The following HGS variants were observed in gnomAD, a reference collection of about 807,000 sequenced individuals.
HGS encodes the protein human growth factor-regulated tyrosine kinase substrate.
In HGS, 63 loss-of-function variants were observed where a neutral mutation model predicts 109.7. The observed-to-expected ratio is 0.57, with a 90% CI of 0.47 to 0.71. HGS has a LOEUF of 0.71. HGS is among the 30% of genes least tolerant of loss of function. The pLI is 0.00. For missense variants in HGS, 995 were observed against 1,068.3 expected (o/e 0.93, Z 0.96); for synonymous variants, 546 against 437.3 (o/e 1.25, Z -3.10).
intron 15 of HGS, 171 bp downstream of exon 15, chr17:81,696,170 GCCC>G: frequency 1.7e-6 from 1 of 589,468 alleles, no homozygotes. Flanking sequence ...ACCATGCCCT[GCCC>G]TGCCCTGCCC....
At chr17:81,684,417 G>T in intron 1 of HGS, 1 of 301,436 alleles carries the variant, frequency 3.3e-6, no homozygotes, top group East Asian at 5.4e-5. Flanking sequence ...GCACCCGGCC[G>T]AGTGGGCCAC....
chr17:81,700,998 C>T (rs780709194), intron 20 of HGS, 47 bp from the exon 21 acceptor site: 1 of 1,572,922 alleles, frequency 6.4e-7, no homozygotes, highest in Non-Finnish European at 8.7e-7. Flanking sequence ...TCCCCGCCTG[C>T]CTGGTCACAG....
rs1301768406 is a variant in HGS at position 81,691,277 on chromosome 17, A to G, written c.538-170A>G. The G allele has an allele frequency of 4.0e-6, 3 of 743,574 alleles. No individual in the cohort carries two copies. The highest frequency in any genetic ancestry group is 3.4e-5 in the South Asian group (2 of 58,724). 46.1% of individuals were successfully genotyped at this position (743,574 alleles called of 1,614,324 possible). A position where few individuals can be genotyped will look rare whatever the true frequency, so the allele number is the denominator to read the frequency against. ...GGCTGGCGTTGAGACTCCCGGGAGC[A>G]TGTCCAGGTTCCCCGGCCTTAGGGT... On this transcript the variant is annotated intron_variant, in intron 7 of 21. Coordinates refer to ENST00000329138, the MANE Select transcript of HGS (RefSeq NM_004712.5). This position sits in a 1 kb window ranked among gnomAD's most constrained non-coding sequence, Gnocchi z 5.3.
chr17:81,684,021 G>A lies in HGS; in HGVS notation c.-46G>A, dbSNP rs762394149. The A allele has an allele frequency of 1.3e-6, 2 of 1,571,254 alleles. No individual in the cohort carries two copies. Among genetic ancestry groups the A allele is most frequent in the Non-Finnish European group, 8.6e-7 (1 of 1,162,454 alleles). The stretch of plus-strand genomic sequence containing the variant: ...CGGAAGTCGGGGGGCGCGCCAGCTC[G>A]TAGCAGGGGAGCGCCCGCGGCGTCG... On this transcript the variant is annotated 5_prime_UTR_variant, in exon 1 of 22. Transcript: ENST00000329138.
intron 6 of HGS, 59 bp downstream of exon 6, chr17:81,690,293 G>T: frequency 3.2e-6 from 5 of 1,550,492 alleles, no homozygotes; most frequent in Non-Finnish European, 4.4e-6. Context: ...GCGTGAAGGG[G>T]AGTGCTGGGA....
rs1389597049 is a variant in HGS at position 81,691,647 on chromosome 17, G to A, written c.662+76G>A. 3 of 1,572,550 alleles carry A rather than the reference G, an allele frequency of 1.9e-6. No individual in the cohort carries two copies. The highest frequency in any genetic ancestry group is 3.4e-5 in the Admixed American group (2 of 59,648). ...TGGGTTTTCTGTCCCTCTTGGCCATGGTGCCTGAGGCCTGCAGACCCCAGA... is the reference window on the plus strand; with the variant it reads ...TGGGTTTTCTGTCCCTCTTGGCCATAGTGCCTGAGGCCTGCAGACCCCAGA... On this transcript the variant is annotated intron_variant, in intron 8 of 21. Coordinates refer to ENST00000329138, the MANE Select transcript of HGS (RefSeq NM_004712.5). The surrounding 1 kb of genome is among the most constrained non-coding windows in gnomAD (Gnocchi z 5.3).
At chr17:81,692,982 G>C (rs993149447) in intron 8 of HGS, 2 of 152,068 alleles carry the variant, frequency 1.3e-5, no homozygotes, top group Non-Finnish European at 2.9e-5. Flanking sequence ...CTGCATTCCA[G>C]CCTGGGCGAC....
rs768316762 is a variant in HGS at position 81,688,760 on chromosome 17, G to C, written c.348G>C (p.Ala116=). The change falls in exon 5 of 22, where the codon GCG becomes GCC. Residue 116 remains alanine, a synonymous_variant. Coordinates refer to ENST00000329138, the MANE Select transcript of HGS (RefSeq NM_004712.5). ...NKILYLIQAW[A]HAFRNEPKYK... ...TCCTGTACCTGATCCAGGCCTGGGC[G>C]CATGCCTTCCGGAACGAGCCCAAGT... is the stretch of plus-strand genomic sequence containing the variant. The C allele has an allele frequency of 4.3e-6, 7 of 1,613,928 alleles. No homozygotes were observed. In the African/African-American group the frequency reaches 8.0e-5, roughly 18 times the overall value.
chr17:81,700,833 C>G lies in HGS; in HGVS notation c.2136+19C>G, dbSNP rs201252002. On this transcript the variant is annotated intron_variant, in intron 20 of 21. Coordinates refer to ENST00000329138, the MANE Select transcript of HGS (RefSeq NM_004712.5). Reference sequence around the variant, plus strand: ...CATGCAGGTACAGTGACCTCCAGGCCCTGCTGGGGGCCAGGGTGGGGGAGC... The same window carrying G: ...CATGCAGGTACAGTGACCTCCAGGCGCTGCTGGGGGCCAGGGTGGGGGAGC... 7.4e-5 allele frequency: 119 copies of G among 1,604,560 alleles called. No homozygotes were observed. In the African/African-American group the frequency reaches 1.4e-3, roughly 18 times the overall value.
intron 1 of HGS, chr17:81,685,127 C>A: frequency 1.1e-6 from 1 of 948,044 alleles, no homozygotes. Context: ...AAGCACTTGG[C>A]TTGGAGCAAG....
chr17:81,694,339 C>T (rs2037111878), intron 11 of HGS, among the ~76,000 whole-genome samples: 1 of 152,220 alleles, frequency 6.6e-6, no homozygotes, highest in Admixed American at 6.5e-5. Context: ...GAAGAGGCAG[C>T]CTGTTTTGCA....
chr17:81,686,222 C>A, intron 2 of HGS, 90 bp from the exon 3 acceptor site: 1 of 1,066,168 alleles, frequency 9.4e-7, no homozygotes, highest in Non-Finnish European at 1.4e-6. Context: ...TGAGCCACTG[C>A]ACCTGGCAGC....
rs1301216439 is a variant in HGS, at chr17:81,688,843, G to C, written c.415+16G>C. ...AAGGTGGAGGGTGAGTCAGGACTGA[G>C]GTTGGGACCAGGTTGAGGCTTGGAA... On this transcript the variant is annotated intron_variant, in intron 5 of 21. Transcript: ENST00000329138. The C allele has an allele frequency of 2.5e-6, 4 of 1,614,102 alleles. No homozygotes were observed. The highest frequency in any genetic ancestry group is 2.2e-5 in the East Asian group (1 of 44,882).
At chr17:81,699,942 G>A (rs2144506592) in intron 18 of HGS, among the ~76,000 whole-genome samples, 1 of 152,020 alleles carries the variant, frequency 6.6e-6, no homozygotes, top group Non-Finnish European at 1.5e-5. Flanking sequence ...GGGTGTGGTG[G>A]TGCACGCCTG....
intron 8 of HGS, chr17:81,692,226 C>T (rs1316865546): frequency 6.6e-6 from 1 of 152,472 alleles, no homozygotes; most frequent in Non-Finnish European, 1.5e-5. Flanking sequence ...TGGGTCTGGC[C>T]TGGGTTGCGT....
In HGS at chr17:81,695,200, C is replaced by T; in HGVS notation, c.1156C>T (p.Pro386Ser). ...LPETDSQPIPPSGGPFSEPQF... is the reference protein window; with the variant it reads ...LPETDSQPIPSSGGPFSEPQF... ...GGAGACAGACTCTCAGCCCATTCCT[C>T]CCTCTGGTGGCCCCTTTAGTGAGGT... is the stretch of plus-strand genomic sequence containing the variant. Residue 386 changes from proline (P) to serine (S), a missense_variant, in exon 14 of 22, where the codon CCC (proline) becomes TCC (serine). By Grantham distance (74) the Pro-to-Ser change is moderately conservative (BLOSUM62 -1). Coordinates refer to ENST00000329138, the MANE Select transcript of HGS (RefSeq NM_004712.5). 6.2e-7 allele frequency: 1 copy of T among 1,614,228 alleles called. No homozygotes were observed. The highest frequency in any genetic ancestry group is 8.5e-7 in the Non-Finnish European group (1 of 1,180,006).
intron 4 of HGS, 142 bp from the exon 5 acceptor site, chr17:81,688,562 A>C (rs1258088344): frequency 1.0e-6 from 1 of 986,098 alleles, no homozygotes; most frequent in Non-Finnish European, 1.5e-6. Context: ...CATGGCCCCC[A>C]CGCCCCACTC....
chr17:81,696,833 A>G lies in HGS; in HGVS notation c.1717A>G (p.Met573Val), dbSNP rs567355276. 6.2e-6 allele frequency: 10 copies of G among 1,609,794 alleles called. No individual in the cohort carries two copies. The highest frequency in any genetic ancestry group is 2.2e-5 in the East Asian group (1 of 44,780). ...TCTCTTTTGTCCCCAGCTCCAGGCC[A>G]TGCCCGCAGCCGGAGGTGTGCTCTA... ...FPLPYAQLQA[M>V]PAAGGVLYQP... Residue 573 changes from methionine (M) to valine (V), a missense_variant, in exon 18 of 22, where the codon ATG (methionine) becomes GTG (valine). Transcript: ENST00000329138.
chr17:81,700,095 G>T (rs1019335778), intron 18 of HGS, among the ~76,000 whole-genome samples: 6 of 150,384 alleles, frequency 4.0e-5, no homozygotes, highest in African/African-American at 1.5e-4. Flanking sequence ...GGCCGGGCGC[G>T]GTGGCTCACG....
Sources: gnomAD v4.1 joint callset for allele counts (sites outside exome capture counted in the v4.1 genomes callset) on GRCh38, gnomAD v4.1.1 for gene constraint, Gnocchi (gnomAD v3.1) non-coding constraint, MANE v1.5 for transcripts, NCBI Gene and HGNC (gene_info 2026-07-23, HGNC 2026-07-21) for gene names.